Variants in MYO9B observed in about 807,000 individuals in gnomAD.
MYO9B encodes unconventional myosin-IXb.
In MYO9B, 71 loss-of-function variants were observed where a neutral mutation model predicts 229.5. The observed-to-expected ratio is 0.31, with a 90% confidence interval of 0.26 to 0.38. MYO9B has a LOEUF of 0.38. Ranked by LOEUF, MYO9B falls within the 10% of genes least tolerant of loss-of-function variation. The pLI is 1.00. For synonymous variants in MYO9B, 1,185 were observed against 1,235.8 expected, an observed-to-expected ratio of 0.96 and a Z score of 0.86; for missense variants, 2,255 against 2,920.5, an observed-to-expected ratio of 0.77 and a Z score of 5.25.
chr19:17,100,133 A>AG (rs1198751191), intron 1 of MYO9B, among the ~76,000 whole-genome samples: 1 of 151,204 alleles, frequency 6.6e-6, no homozygotes, highest in African/African-American at 2.4e-5. Flanking sequence ...CAAAAAAAAA[A>AG]AAGCCCAGAC....
chr19:17,207,797 G>T (rs1046913042), intron 35 of MYO9B: 1 of 152,004 alleles, frequency 6.6e-6, no homozygotes, highest in Non-Finnish European at 1.5e-5. Flanking sequence ...GATGACCTGC[G>T]GTCGGGAGTT....
chr19:17,173,771 A>G (rs1056427961), intron 13 of MYO9B, among the ~76,000 whole-genome samples: 2 of 152,102 alleles, frequency 1.3e-5, no homozygotes, highest in Non-Finnish European at 2.9e-5. Context: ...GCAGAAAGCT[A>G]TGTCCTCATT....
intron 23 of MYO9B, 98 bp from the exon 24 acceptor site, chr19:17,198,086 A>T: frequency 6.7e-7 from 1 of 1,492,066 alleles, no homozygotes; most frequent in Non-Finnish European, 9.0e-7. Context: ...GCAGGAAGTG[A>T]GGTCGGTGGA....
At chr19:17,160,214 A>G (rs2072582871) in intron 8 of MYO9B, among the ~76,000 whole-genome samples, 1 of 152,154 alleles carries the variant, frequency 6.6e-6, no homozygotes, top group Non-Finnish European at 1.5e-5. Flanking sequence ...TCAAACAGGC[A>G]CCGGGGACAT....
chr19:17,160,370 C>T (rs1182238679), intron 8 of MYO9B, among the ~76,000 whole-genome samples: 1 of 152,038 alleles, frequency 6.6e-6, no homozygotes, highest in African/African-American at 2.4e-5. Context: ...TTCCTTGACA[C>T]CCAAGAAATG....
Position 17,200,724 on chromosome 19 carries a change from C to T in MYO9B, c.4458C>T (p.Val1486=). 1 of 1,614,060 alleles carries T rather than the reference C, an allele frequency of 6.2e-7. No homozygotes were observed. The highest frequency in any genetic ancestry group is 8.5e-7 in the Non-Finnish European group (1 of 1,179,906). Residue 1486 remains valine, a synonymous_variant, in exon 26 of 40, where the codon GTC becomes GTT. Transcript: ENST00000682292. ...GCAAAGGGAAGAAGAACCGAAATGTCAAGATTGGGAAGATCACAGTGTCAG... is the reference window on the plus strand; with the variant it reads ...GCAAAGGGAAGAAGAACCGAAATGTTAAGATTGGGAAGATCACAGTGTCAG... ...PGGKGKKNRN[V]KIGKITVSEK...
Position 17,180,940 on chromosome 19 carries a change from C to T in MYO9B, c.2233C>T (p.Gln745Ter). ...CCCTCCCCTCAGCGATTTGCATAAC[C>T]AAATGATCAAGAGCATCAAAGGATT... ...SEKLYRDLHN[Q>*]MIKSIKGLPW... The change falls in exon 15 of 40, where the codon CAA becomes TAA. Residue 745 changes from glutamine to a stop codon, truncating the protein, a stop_gained. Coordinates refer to ENST00000682292, the MANE Select transcript of MYO9B (RefSeq NM_004145.4). LOFTEE classifies it high-confidence loss of function. 6.2e-7 allele frequency: 1 copy of T among 1,607,756 alleles called. No homozygotes were observed. The highest frequency in any genetic ancestry group is 8.5e-7 in the Non-Finnish European group (1 of 1,177,326).
intron 2 of MYO9B, among the ~76,000 whole-genome samples, chr19:17,117,822 C>T (rs1054698804): frequency 6.6e-6 from 1 of 151,054 alleles, no homozygotes; most frequent in Non-Finnish European, 1.5e-5. Flanking sequence ...CCTGTAATCC[C>T]AGCTACTGAG....
chr19:17,200,932 G>A (rs2073100247), intron 26 of MYO9B, 103 bp downstream of exon 26: 1 of 1,331,606 alleles, frequency 7.5e-7, no homozygotes, highest in Non-Finnish European at 1.0e-6. Context: ...GGTTTAGCAG[G>A]TCAAGAATAC....
intron 14 of MYO9B, chr19:17,178,622 A>AC (rs1056642832): frequency 4.6e-5 from 7 of 152,160 alleles, no homozygotes; most frequent in Non-Finnish European, 7.3e-5. Context: ...TAATTCACAC[A>AC]CGGTATCAGT....
chr19:17,110,524 T>A (rs532351406), intron 2 of MYO9B, among the ~76,000 whole-genome samples: 1 of 152,190 alleles, frequency 6.6e-6, no homozygotes, highest in Admixed American at 6.5e-5. Flanking sequence ...GGTGCCCTTC[T>A]GAGAGCAGGC....
chr19:17,087,588 C>G (rs2057595613), intron 1 of MYO9B, among the ~76,000 whole-genome samples: 1 of 152,134 alleles, frequency 6.6e-6, no homozygotes, highest in Non-Finnish European at 1.5e-5. Context: ...CCTGGGGCTT[C>G]CATAACTAAG....
At chr19:17,206,642 C>G (rs2073165474) in intron 33 of MYO9B, 37 bp from the exon 34 acceptor site, 1 of 1,529,198 alleles carries the variant, frequency 6.5e-7, no homozygotes, top group African/African-American at 1.4e-5. Flanking sequence ...CTTGGGGACC[C>G]TTGGGAGCTG....
intron 2 of MYO9B, among the ~76,000 whole-genome samples, chr19:17,132,841 T>A (rs56020783): frequency 0.2 from 30,549 of 149,556 alleles, 3,659 homozygotes; most frequent in African/African-American, 0.33. Flanking sequence ...TTTATTTCTT[T>A]TTTATTTATT....
intron 10 of MYO9B, among the ~76,000 whole-genome samples, chr19:17,167,655 C>A (rs962615315): frequency 6.6e-6 from 1 of 151,406 alleles, no homozygotes; most frequent in African/African-American, 2.4e-5. Context: ...AATTTTGTAT[C>A]TTTAGTAGAG....
At chr19:17,105,844 G>C (rs2057787736) in intron 2 of MYO9B, among the ~76,000 whole-genome samples, 1 of 152,136 alleles carries the variant, frequency 6.6e-6, no homozygotes, top group Non-Finnish European at 1.5e-5. Context: ...GACATATGTA[G>C]CCTATTCCTG....
Position 17,192,892 on chromosome 19 carries a change from C to T in MYO9B, c.2958C>T (p.Ile986=), listed in dbSNP as rs369323151. ...AGATGAAGCGGGCCGCCGTCACCAT[C>T]CAGGCCTGCTGGCGGTCCTACCGGG... The part of the protein sequence containing the change: ...FLQMKRAAVT[I]QACWRSYRVR... Residue 986 remains isoleucine, a synonymous_variant, in exon 21 of 40, where the codon ATC becomes ATT. Transcript: ENST00000682292. 333 of 1,550,460 alleles carry T rather than the reference C, an allele frequency of 2.1e-4. 1 individual carries two copies. The African/African-American group carries it at 3.3e-3, about 15-fold the overall frequency.
intron 6 of MYO9B, among the ~76,000 whole-genome samples, chr19:17,155,782 G>T (rs1035971866): frequency 6.6e-6 from 1 of 152,070 alleles, no homozygotes; most frequent in African/African-American, 2.4e-5. Flanking sequence ...ACTTTGGGAG[G>T]CCAAGGCAGG....
intron 26 of MYO9B, among the ~76,000 whole-genome samples, 166 bp from the exon 27 acceptor site, chr19:17,201,760 C>G (rs1005818223): frequency 1.3e-5 from 2 of 152,004 alleles, no homozygotes; most frequent in African/African-American, 4.8e-5. Flanking sequence ...GGCTTTAACT[C>G]TGGGTTGACA....
Sources: allele counts gnomAD v4.1 joint callset (sites outside exome capture counted in the v4.1 genomes callset), GRCh38; gene constraint gnomAD v4.1.1; transcripts MANE v1.5; gene names NCBI Gene and HGNC (gene_info 2026-07-23, HGNC 2026-07-21).